UBA52: variants seen among roughly 807,000 people sequenced by gnomAD.
UBA52 encodes the protein ubiquitin-ribosomal protein eL40 fusion protein.
UBA52 carries 1 observed loss-of-function variant against 15.3 expected under a neutral mutation model. The observed-to-expected ratio is 0.07, with a 90% CI of 0.02 to 0.31. The LOEUF (loss-of-function observed/expected upper bound fraction) is 0.31, where lower values mean the gene tolerates loss of function less well. UBA52 is among the 10% of genes least tolerant of loss of function. UBA52 has a pLI of 1.00. For synonymous variants in UBA52, 50 were observed against 58.3 expected (o/e 0.86, Z 0.65); for missense variants, 87 against 168.0 (o/e 0.52, Z 2.66).
At chr19:18,570,507 C>CTTTTT (rs1555752289), upstream of UBA52, among the ~76,000 whole-genome samples, 4 of 44,810 alleles carry the variant, frequency 8.9e-5, no homozygotes, top group East Asian at 9.4e-4. Context: ...CGCCGTGGCA[C>CTTTTT]TTTTTTTTTT....
intron 3 of UBA52, 144 bp from the exon 4 acceptor site, chr19:18,574,726 C>A: frequency 9.7e-7 from 1 of 1,035,692 alleles, no homozygotes; most frequent in Non-Finnish European, 1.4e-6. Flanking sequence ...GTATCTTCCA[C>A]ACGTAGAACA....
intron 1 of UBA52, chr19:18,573,040 A>G: frequency 7.6e-7 from 1 of 1,323,660 alleles, no homozygotes; most frequent in African/African-American, 1.5e-5. Flanking sequence ...GTGTTCCTGA[A>G]GAGCACCCGT....
chr19:18,570,507 C>CTTTT (rs1555752289), upstream of UBA52, among the ~76,000 whole-genome samples: 2 of 44,812 alleles, frequency 4.5e-5, no homozygotes, highest in African/African-American at 6.6e-5. Flanking sequence ...CGCCGTGGCA[C>CTTTT]TTTTTTTTTT....
the UBA52 span, chr19:18,564,975 C>T: frequency 6.2e-7 from 1 of 1,611,398 alleles, no homozygotes; most frequent in Non-Finnish European, 8.5e-7. Context: ...CACGAGGACC[C>T]TAGTAGAGAT....
rs574452747 is a variant in UBA52 at position 18,577,007 on chromosome 19, G to C, written c.*1857G>C. ...TTTTTTTTTTTTTTTTTACAGACAT[G>C]GTCTCGCTATGTTGCCCAGAATGGT... On this transcript the variant is annotated 3_prime_UTR_variant, in exon 5 of 5. Transcript: ENST00000442744. The C allele has an allele frequency of 7.8e-6, 1 of 128,600 alleles. No individual in the cohort carries two copies. Among genetic ancestry groups the C allele is most frequent in the African/African-American group, 2.8e-5 (1 of 35,788 alleles). The allele number at this position is 128,600 out of a possible 1,614,324, so 8.0% of individuals were successfully genotyped here.
rs1425376029 is a variant in UBA52, at chr19:18,577,091, T to C, written c.*1941T>C. On this transcript the variant is annotated 3_prime_UTR_variant, in exon 5 of 5. Coordinates refer to ENST00000442744, the MANE Select transcript of UBA52 (RefSeq NM_001033930.3). ...TCCCAAAGTGCTGGGATTACAGGGG[T>C]GAGGCACCTTGCTGGCCCCTGTTTT... The C allele has an allele frequency of 6.9e-6, 1 of 145,422 alleles. No homozygotes were observed. The highest frequency in any genetic ancestry group is 2.1e-4 in the East Asian group (1 of 4,860). 9.0% of individuals were successfully genotyped at this position (145,422 alleles called of 1,614,324 possible).
upstream of UBA52, chr19:18,568,735 T>C: frequency 1.2e-6 from 1 of 837,734 alleles, no homozygotes; most frequent in Admixed American, 2.4e-5. Flanking sequence ...TGCTGCCCCG[T>C]TCTGTCACCC....
chr19:18,571,707 TCA>T (rs1312535846), upstream of UBA52: 1 of 152,128 alleles, frequency 6.6e-6, no homozygotes, highest in Non-Finnish European at 1.5e-5. Flanking sequence ...TGGGCGACCT[TCA>T]CCCACGTGCG....
At chr19:18,564,417 C>T in the UBA52 span, among the ~76,000 whole-genome samples, 1 of 151,940 alleles carries the variant, frequency 6.6e-6, no homozygotes, top group Admixed American at 6.6e-5. Flanking sequence ...GTCAGGAGAT[C>T]GAGACCATCC....
Position 18,575,235 on chromosome 19 carries a change from G to A in UBA52, c.*85G>A, listed in dbSNP as rs1458998576. 4.0e-6 allele frequency: 6 copies of A among 1,516,180 alleles called. No homozygotes were observed. The highest frequency in any genetic ancestry group is 5.4e-6 in the Non-Finnish European group (6 of 1,105,488). The allele number at this position is 1,516,180 out of a possible 1,614,324, so 93.9% of individuals were successfully genotyped here. On this transcript the variant is annotated 3_prime_UTR_variant, in exon 5 of 5. Coordinates refer to ENST00000442744, the MANE Select transcript of UBA52 (RefSeq NM_001033930.3). Reference sequence around the variant, plus strand: ...TAAAGTGTCCCTTTCATTGACTGGAGCAGCAATTGGTGTCCTCATGGCTGA... The same window carrying A: ...TAAAGTGTCCCTTTCATTGACTGGAACAGCAATTGGTGTCCTCATGGCTGA...
In UBA52 at chr19:18,573,737, A is replaced by C; in HGVS notation, c.179A>C (p.Asn60Thr). The C allele has an allele frequency of 6.2e-7, 1 of 1,614,178 alleles. No individual in the cohort carries two copies. The highest frequency in any genetic ancestry group is 8.5e-7 in the Non-Finnish European group (1 of 1,180,030). ...GATGGCCGCACTCTCTCAGACTACA[A>C]CATCCAGAAAGGTACCGGGGTTGGG... ...LEDGRTLSDYNIQKESTLHLV... is the reference protein window; with the variant it reads ...LEDGRTLSDYTIQKESTLHLV... Residue 60 changes from asparagine (N) to threonine (T), a missense_variant, in exon 3 of 5, where the codon AAC becomes ACC. Transcript: ENST00000442744.
chr19:18,565,888 G>A, the UBA52 span, among the ~76,000 whole-genome samples: 1 of 152,200 alleles, frequency 6.6e-6, no homozygotes, highest in African/African-American at 2.4e-5. Context: ...AGATTTCACC[G>A]TGTTGCCCAG....
chr19:18,564,726 T>C, the UBA52 span: 1 of 864,998 alleles, frequency 1.2e-6, no homozygotes, highest in Non-Finnish European at 1.8e-6. Context: ...GCTCAAAGAG[T>C]AGGTAGAACT....
At chr19:18,572,871 G>A (rs1600616178) in intron 1 of UBA52, 1 of 1,034,776 alleles carries the variant, frequency 9.7e-7, no homozygotes, top group Non-Finnish European at 1.2e-6. Flanking sequence ...CTGGCAGCAG[G>A]AGCAGCCTGT....
At position 18,577,007 on chromosome 19, in the gene UBA52, G is replaced by A. The variant is rs574452747; in HGVS notation, c.*1857G>A. The A allele has an allele frequency of 1.6e-5, 2 of 128,546 alleles. No homozygotes were observed. The highest frequency in any genetic ancestry group is 3.2e-5 in the Non-Finnish European group (2 of 61,784). The allele number at this position is 128,546 out of a possible 1,614,324, so 8.0% of individuals were successfully genotyped here. ...TTTTTTTTTTTTTTTTTACAGACAT[G>A]GTCTCGCTATGTTGCCCAGAATGGT... On this transcript the variant is annotated 3_prime_UTR_variant, in exon 5 of 5. Coordinates refer to ENST00000442744, the MANE Select transcript of UBA52 (RefSeq NM_001033930.3).
chr19:18,568,182 G>A (rs146516426), upstream of UBA52, among the ~76,000 whole-genome samples: 530 of 151,192 alleles, frequency 3.5e-3, 3 homozygotes, highest in African/African-American at 0.012. Context: ...CAGAAGAATC[G>A]CTTGAACCCG....
intron 3 of UBA52, 74 bp from the exon 4 acceptor site, chr19:18,574,796 C>T: frequency 6.3e-7 from 1 of 1,576,790 alleles, no homozygotes; most frequent in Non-Finnish European, 8.6e-7. Context: ...ACTATAGGCC[C>T]TGGAGGGTCC....
At chr19:18,565,551 TG>T in the UBA52 span, among the ~76,000 whole-genome samples, 9 of 152,048 alleles carry the variant, frequency 5.9e-5, no homozygotes, top group African/African-American at 2.2e-4. Context: ...TCTTGATCTG[TG>T]GCCCTGGCTG....
In UBA52 at chr19:18,575,289, G is replaced by GC; in HGVS notation, c.*140dup. 2.0e-6 allele frequency: 2 copies of GC among 996,078 alleles called. No individual in the cohort carries two copies. The highest frequency in any genetic ancestry group is 3.0e-6 in the Non-Finnish European group (2 of 668,458). 61.7% of individuals were successfully genotyped at this position (996,078 alleles called of 1,614,324 possible). The stretch of plus-strand genomic sequence containing the variant: ...GTCCAGGGAGGTGGCTGAAGAGTGG[G>GC]CATCTCCCTTAGGGACTCTACTCAG... On this transcript the variant is annotated 3_prime_UTR_variant, in exon 5 of 5. Coordinates refer to ENST00000442744, the MANE Select transcript of UBA52 (RefSeq NM_001033930.3).
Sources: gnomAD v4.1 joint callset for allele counts (sites outside exome capture counted in the v4.1 genomes callset) on GRCh38, gnomAD v4.1.1 for gene constraint, MANE v1.5 for transcripts, NCBI Gene and HGNC (gene_info 2026-07-23, HGNC 2026-07-21) for gene names.